ELP3: variants seen among roughly 807,000 people sequenced by gnomAD.
The protein encoded by ELP3 is elongator complex protein 3.
Under a neutral mutation model 74.9 loss-of-function variants are expected in ELP3, and 56 were observed. The observed-to-expected ratio is 0.75, with a 90% CI of 0.60 to 0.93. The LOEUF is 0.93. Ranked by LOEUF, ELP3 falls within the 40% of genes least tolerant of loss-of-function variation. ELP3 has a pLI of 0.00. For synonymous variants in ELP3, 222 were observed against 239.8 expected (o/e 0.93, Z 0.68); for missense variants, 573 against 686.5 (o/e 0.83, Z 1.85).
intron 14 of ELP3, among the ~76,000 whole-genome samples, chr8:28,170,675 A>G (rs1814488088): frequency 6.6e-6 from 1 of 152,162 alleles, no homozygotes; most frequent in Non-Finnish European, 1.5e-5. Flanking sequence ...CTACAAACAC[A>G]TGGAGAAATT....
chr8:28,184,968 CAA>C (rs200792598), intron 14 of ELP3, among the ~76,000 whole-genome samples: 18 of 128,798 alleles, frequency 1.4e-4, no homozygotes, highest in Admixed American at 1.6e-4. Flanking sequence ...AACTCCATCT[CAA>C]AAAAAAAAAA....
At chr8:28,163,725 C>T (rs1814197124) in intron 14 of ELP3, among the ~76,000 whole-genome samples, 1 of 152,244 alleles carries the variant, frequency 6.6e-6, no homozygotes, top group African/African-American at 2.4e-5. Context: ...AAGCCCTCTG[C>T]ACATGTGTCT....
At chr8:28,095,026 C>T (rs949734889) in intron 1 of ELP3, among the ~76,000 whole-genome samples, 1 of 152,224 alleles carries the variant, frequency 6.6e-6, no homozygotes, top group African/African-American at 2.4e-5. Context: ...CATTTCAATG[C>T]CTTTGCCTAG....
intron 10 of ELP3, among the ~76,000 whole-genome samples, chr8:28,152,591 A>G (rs1813684003): frequency 6.6e-6 from 1 of 152,166 alleles, no homozygotes; most frequent in Non-Finnish European, 1.5e-5. Context: ...GGATCACCTG[A>G]GGTCAGGAGT....
chr8:28,136,477 C>T (rs1034123280), intron 9 of ELP3, among the ~76,000 whole-genome samples: 2 of 152,146 alleles, frequency 1.3e-5, no homozygotes, highest in Admixed American at 6.5e-5. Flanking sequence ...GGCTTCCATA[C>T]GTGCTCTTTG....
At chr8:28,106,813 G>A (rs1811716092) in intron 4 of ELP3, 30 bp downstream of exon 4, 2 of 1,572,608 alleles carry the variant, frequency 1.3e-6, no homozygotes, top group Non-Finnish European at 8.7e-7. Flanking sequence ...TAAATTGTAT[G>A]TATGTTTTAA....
At chr8:28,173,898 TA>T (rs1238576452) in intron 14 of ELP3, among the ~76,000 whole-genome samples, 1 of 152,044 alleles carries the variant, frequency 6.6e-6, no homozygotes, top group Admixed American at 6.6e-5. Flanking sequence ...TCTGCATACT[TA>T]TGAGTTTTCC....
intron 7 of ELP3, among the ~76,000 whole-genome samples, chr8:28,122,898 C>T (rs1009534491): frequency 3.3e-5 from 5 of 152,078 alleles, no homozygotes; most frequent in Admixed American, 6.6e-5. Context: ...GTGAGGTGGG[C>T]GGATCACCTG....
chr8:28,167,709 G>T (rs1814362450), intron 14 of ELP3, among the ~76,000 whole-genome samples: 1 of 152,128 alleles, frequency 6.6e-6, no homozygotes, highest in Non-Finnish European at 1.5e-5. Flanking sequence ...TTGTCCTTTT[G>T]TACTATCTTT....
Position 28,186,957 on chromosome 8 carries a change from T to G in ELP3, c.1568-2692T>G, listed in dbSNP as rs1815263011. Among the ~76,000 whole-genome samples the G allele has an allele frequency of 2.6e-5, 4 of 152,238 alleles. No homozygotes were observed. The South Asian group carries it at 8.3e-4, about 32-fold the overall frequency. On this transcript the variant is annotated intron_variant, in intron 14 of 14. Coordinates refer to ENST00000256398, the MANE Select transcript of ELP3 (RefSeq NM_018091.6). The stretch of plus-strand genomic sequence containing the variant: ...TTAAGAACAACAAAAGCTTCCAAAA[T>G]CAGAGTCTTCAGCATCTTGGCATGA...
chr8:28,130,789 A>G (rs1275430641), intron 8 of ELP3, among the ~76,000 whole-genome samples: 1 of 151,920 alleles, frequency 6.6e-6, no homozygotes, highest in Non-Finnish European at 1.5e-5. Flanking sequence ...AAAATAATGA[A>G]CTCCTAGAGA....
chr8:28,112,763 G>T, intron 6 of ELP3: 1 of 275,438 alleles, frequency 3.6e-6, no homozygotes, highest in Non-Finnish European at 6.7e-6. Flanking sequence ...TTAAATTTCC[G>T]CTTTGTAGGT....
chr8:28,108,302 G>T lies in ELP3; in HGVS notation c.393+326G>T, dbSNP rs995665757. On this transcript the variant is annotated intron_variant, in intron 5 of 14. Coordinates refer to ENST00000256398, the MANE Select transcript of ELP3 (RefSeq NM_018091.6). ...CCAGTTTGCCAATCAGGAAACTAGG[G>T]CATAGCAGGCTTAAACAGCTGGCCC... is the stretch of plus-strand genomic sequence containing the variant. Among the ~76,000 whole-genome samples the T allele has an allele frequency of 2.6e-5, 4 of 152,234 alleles. No individual in the cohort carries two copies. The South Asian group carries it at 6.2e-4, about 24-fold the overall frequency.
chr8:28,154,895 C>A (rs1813770141), intron 10 of ELP3, among the ~76,000 whole-genome samples: 1 of 152,134 alleles, frequency 6.6e-6, no homozygotes, highest in Admixed American at 6.5e-5. Context: ...TTTGACTTAT[C>A]TTTGATTTAT....
chr8:28,185,503 G>A (rs1339162978), intron 14 of ELP3, among the ~76,000 whole-genome samples: 1 of 152,218 alleles, frequency 6.6e-6, no homozygotes, highest in African/African-American at 2.4e-5. Flanking sequence ...GACATCCTAG[G>A]GAGGGAGACA....
intron 14 of ELP3, among the ~76,000 whole-genome samples, chr8:28,162,553 C>A (rs767864355): frequency 2.6e-5 from 4 of 152,198 alleles, no homozygotes; most frequent in Non-Finnish European, 5.9e-5. Context: ...TGGGGAACAG[C>A]TTTCCCCTGT....
In ELP3 at chr8:28,131,304, A is replaced by G. The variant is rs190972019; in HGVS notation, c.780-974A>G. Among the ~76,000 whole-genome samples, 32 of 152,342 alleles carry G rather than the reference A, an allele frequency of 2.1e-4. No individual in the cohort carries two copies. The East Asian group carries it at 2.9e-3, about 14-fold the overall frequency. On this transcript the variant is annotated intron_variant, in intron 8 of 14. Transcript: ENST00000256398. ...GCAATAGACAGTTCAGCAGTGATCA[A>G]AATGTTCTGTGCCTGCAACTGAGTT... is the stretch of plus-strand genomic sequence containing the variant.
At position 28,101,549 on chromosome 8, in the gene ELP3, A is replaced by G. The variant is rs116097429; in HGVS notation, c.258+1583A>G. Among the ~76,000 whole-genome samples, 977 of 152,124 alleles carry G rather than the reference A, an allele frequency of 6.4e-3. 7 individuals carry two copies. The highest frequency in any genetic ancestry group is 0.02 in the African/African-American group (834 of 41,478). ...TTAGCATTAACTTCCATATCCATAA[A>G]TAAAATAACATTCTTTACATAATAG... On this transcript the variant is annotated intron_variant, in intron 3 of 14. Coordinates refer to ENST00000256398, the MANE Select transcript of ELP3 (RefSeq NM_018091.6).
At chr8:28,153,699 G>A (rs1390112884) in intron 10 of ELP3, among the ~76,000 whole-genome samples, 3 of 152,114 alleles carry the variant, frequency 2.0e-5, no homozygotes, top group Non-Finnish European at 2.9e-5. Flanking sequence ...CTTACACATC[G>A]TTGTCCTGGA....
Sources: gnomAD v4.1 joint callset for allele counts (sites outside exome capture counted in the v4.1 genomes callset) on GRCh38, gnomAD v4.1.1 for gene constraint, MANE v1.5 for transcripts, NCBI Gene and HGNC (gene_info 2026-07-23, HGNC 2026-07-21) for gene names.